TMEM178B: variants seen among roughly 807,000 people sequenced by gnomAD.
TMEM178B encodes transmembrane protein 178B.
In TMEM178B, 5 loss-of-function variants were observed where a neutral mutation model predicts 31.0. The ratio of observed to expected loss-of-function variants is 0.16; its 90% CI spans 0.08 to 0.34. The LOEUF (loss-of-function observed/expected upper bound fraction) is 0.34, where lower values mean the gene tolerates loss of function less well. Among genes scored for constraint, TMEM178B ranks in the 10% least tolerant of loss-of-function variants. The pLI is 1.00. For missense variants in TMEM178B, 275 were observed against 400.3 expected (o/e 0.69, Z 2.67); for synonymous variants, 164 against 164.0 (o/e 1.00, Z 0.00).
At chr7:141,490,815 C>T in the TMEM178B span, among the ~76,000 whole-genome samples, 1 of 152,180 alleles carries the variant, frequency 6.6e-6, no homozygotes. Flanking sequence ...GGTCCTAGGC[C>T]TCATGCCAAG....
the TMEM178B span, among the ~76,000 whole-genome samples, chr7:141,485,849 C>T: frequency 6.6e-6 from 1 of 152,202 alleles, no homozygotes; most frequent in Non-Finnish European, 1.5e-5. Flanking sequence ...CATCCCCTGT[C>T]CGGTGGCTGG....
At chr7:141,339,756 G>C (rs1037209963) in intron 2 of TMEM178B, among the ~76,000 whole-genome samples, 1 of 152,202 alleles carries the variant, frequency 6.6e-6, no homozygotes, top group Admixed American at 6.5e-5. Context: ...TGTCTAAGCT[G>C]GGGGAGAATG....
chr7:141,253,794 C>T (rs1185606147), intron 2 of TMEM178B, among the ~76,000 whole-genome samples: 26 of 151,980 alleles, frequency 1.7e-4, no homozygotes, highest in African/African-American at 5.8e-4. Flanking sequence ...TCAGGTGATC[C>T]GCCTGCCTCG....
intron 1 of TMEM178B, among the ~76,000 whole-genome samples, chr7:141,138,771 A>G (rs1795717870): frequency 6.6e-6 from 1 of 151,900 alleles, no homozygotes; most frequent in East Asian, 1.9e-4. Context: ...TCACGAGGTC[A>G]GGAGACCGAG....
chr7:141,487,741 CAAAAAAAA>C, the TMEM178B span, among the ~76,000 whole-genome samples: 2 of 30,250 alleles, frequency 6.6e-5, no homozygotes, highest in Non-Finnish European at 1.7e-4. Context: ...GACTCCGTCT[CAAAAAAAA>C]AAAAAAAAAA....
chr7:141,382,440 G>A (rs1800335307), intron 2 of TMEM178B, among the ~76,000 whole-genome samples: 1 of 152,116 alleles, frequency 6.6e-6, no homozygotes, highest in African/African-American at 2.4e-5. Flanking sequence ...TGTGAATATT[G>A]CTTGTTATTT....
chr7:141,147,431 G>A (rs1223481485), intron 1 of TMEM178B, among the ~76,000 whole-genome samples: 6 of 152,156 alleles, frequency 3.9e-5, no homozygotes, highest in Non-Finnish European at 8.8e-5. Flanking sequence ...TCTATGAAAG[G>A]AGGGATGTGT....
intron 2 of TMEM178B, among the ~76,000 whole-genome samples, chr7:141,371,636 C>G (rs1355782768): frequency 6.6e-6 from 1 of 152,208 alleles, no homozygotes; most frequent in East Asian, 1.9e-4. Flanking sequence ...TCAGCTACCT[C>G]TTATCTCTTC....
In TMEM178B at chr7:141,274,492, C is replaced by T. The variant is rs186756191; in HGVS notation, c.496+61788C>T. ...CTCCTGGAAATGTTTGATTGTATACCTGGGCCTGGGGCTGAAGCAAGAGTG... is the reference window on the plus strand; with the variant it reads ...CTCCTGGAAATGTTTGATTGTATACTTGGGCCTGGGGCTGAAGCAAGAGTG... On this transcript the variant is annotated intron_variant, in intron 2 of 3. Transcript: ENST00000565468. 1.1e-4 allele frequency among the ~76,000 whole-genome samples: 17 copies of T among 152,258 alleles called. No homozygotes were observed. In the East Asian group the frequency reaches 3.1e-3, roughly 28 times the overall value.
intron 2 of TMEM178B, among the ~76,000 whole-genome samples, chr7:141,305,770 T>G (rs936370910): frequency 2.0e-5 from 3 of 152,138 alleles, no homozygotes; most frequent in Non-Finnish European, 4.4e-5. Flanking sequence ...TTTTTCCTAC[T>G]GTTATCCCTG....
chr7:141,320,240 T>A (rs1169252998), intron 2 of TMEM178B, among the ~76,000 whole-genome samples: 2 of 152,188 alleles, frequency 1.3e-5, no homozygotes, highest in Non-Finnish European at 2.9e-5. Context: ...AACCTTTTTT[T>A]CTTTGTAAAT....
Position 141,323,369 on chromosome 7 carries a change from A to G in TMEM178B, c.496+110665A>G, listed in dbSNP as rs192886552. Among the ~76,000 whole-genome samples, 27 of 152,336 alleles carry G rather than the reference A, an allele frequency of 1.8e-4. No homozygotes were observed. The East Asian group carries it at 1.9e-3, about 11-fold the overall frequency. On this transcript the variant is annotated intron_variant, in intron 2 of 3. Coordinates refer to ENST00000565468, the MANE Select transcript of TMEM178B (RefSeq NM_001195278.2). ...TATAATAAACATATGAGATACATAC[A>G]TGTTTCAAGCTCATAATATTTTACA...
At chr7:141,386,013 G>A (rs1452010781) in intron 2 of TMEM178B, among the ~76,000 whole-genome samples, 1 of 152,166 alleles carries the variant, frequency 6.6e-6, no homozygotes, top group East Asian at 1.9e-4. Context: ...TGAAGCGCTG[G>A]ACTTGCTACA....
chr7:141,307,240 C>T (rs1216933192), intron 2 of TMEM178B, among the ~76,000 whole-genome samples: 2 of 152,170 alleles, frequency 1.3e-5, no homozygotes, highest in East Asian at 1.9e-4. Flanking sequence ...TGAAATCAGA[C>T]TTTTTTCCAT....
chr7:141,439,902 T>G (rs1044237177), intron 3 of TMEM178B, among the ~76,000 whole-genome samples: 2 of 152,244 alleles, frequency 1.3e-5, no homozygotes, highest in Non-Finnish European at 2.9e-5. Context: ...TCTTCAACTC[T>G]TTGACAACTT....
At chr7:141,439,283 G>A (rs1250705591) in intron 3 of TMEM178B, among the ~76,000 whole-genome samples, 2 of 152,162 alleles carry the variant, frequency 1.3e-5, no homozygotes, top group African/African-American at 4.8e-5. Context: ...TGCTGTTAGA[G>A]TCAGGATGCC....
chr7:141,230,236 C>T (rs1797420081), intron 2 of TMEM178B, among the ~76,000 whole-genome samples: 1 of 152,108 alleles, frequency 6.6e-6, no homozygotes, highest in African/African-American at 2.4e-5. Context: ...AGAATTGGAA[C>T]TACTGGCTCA....
intron 2 of TMEM178B, among the ~76,000 whole-genome samples, chr7:141,242,893 A>C (rs1375331243): frequency 2.6e-5 from 4 of 151,646 alleles, no homozygotes; most frequent in African/African-American, 9.7e-5. Flanking sequence ...TTTGAGTTGC[A>C]TTCACTCCTG....
At chr7:141,426,705 T>G (rs1801323190) in intron 2 of TMEM178B, among the ~76,000 whole-genome samples, 2 of 152,124 alleles carry the variant, frequency 1.3e-5, no homozygotes, top group African/African-American at 4.8e-5. Flanking sequence ...ACTCATGTAC[T>G]TTTTCATGGA....
Sources: allele counts gnomAD v4.1 joint callset (sites outside exome capture counted in the v4.1 genomes callset), GRCh38; gene constraint gnomAD v4.1.1; transcripts MANE v1.5; gene names NCBI Gene and HGNC (gene_info 2026-07-23, HGNC 2026-07-21).